Variants in TTLL12 observed in about 807,000 individuals in gnomAD.
TTLL12 encodes the protein tubulin--tyrosine ligase-like protein 12.
In TTLL12, 77 loss-of-function variants were observed where a neutral mutation model predicts 79.6. The observed-to-expected ratio is 0.97, with a 90% CI of 0.81 to 1.17. The LOEUF is 1.17. Among genes scored for constraint, TTLL12 ranks in the 50% most tolerant of loss-of-function variants. The pLI, the probability that TTLL12 is intolerant of heterozygous loss-of-function variation, is 0.00. For missense variants in TTLL12, 969 were observed against 895.9 expected (o/e 1.08, Z -1.04); for synonymous variants, 437 against 376.1 (o/e 1.16, Z -1.87).
intron 1 of TTLL12, among the ~76,000 whole-genome samples, chr22:43,186,562 C>CAT (rs1932190378): frequency 6.6e-6 from 1 of 152,208 alleles, no homozygotes; most frequent in Non-Finnish European, 1.5e-5. Context: ...AAGGGACTCT[C>CAT]GGAGCCGCAG....
chr22:43,182,857 G>T, intron 2 of TTLL12, 123 bp downstream of exon 2: 1 of 1,339,048 alleles, frequency 7.5e-7, no homozygotes, highest in Non-Finnish European at 1.0e-6. Context: ...ACACGTGCTT[G>T]CCACAAAGCT....
intron 2 of TTLL12, among the ~76,000 whole-genome samples, chr22:43,182,190 G>A (rs555211250): frequency 5.3e-5 from 8 of 152,354 alleles, no homozygotes; most frequent in Admixed American, 5.2e-4. Flanking sequence ...GGCAGCCACT[G>A]CACTGAATTC....
intron 5 of TTLL12, among the ~76,000 whole-genome samples, chr22:43,177,040 G>T (rs777045314): frequency 6.6e-6 from 1 of 152,218 alleles, no homozygotes; most frequent in Non-Finnish European, 1.5e-5. Context: ...GAGCCACGAG[G>T]GCTGTCGGGA....
Position 43,187,103 on chromosome 22 carries a change from A to T in TTLL12, c.-34T>A. 1 of 1,013,920 alleles carries T rather than the reference A, an allele frequency of 9.9e-7. No individual in the cohort carries two copies. Among genetic ancestry groups the T allele is most frequent in the Non-Finnish European group, 1.2e-6 (1 of 850,712 alleles). The allele number at this position is 1,013,920 out of a possible 1,614,324, so 62.8% of individuals were successfully genotyped here. A position where few individuals can be genotyped will look rare whatever the true frequency, so the allele number is the denominator to read the frequency against. On this transcript the variant is annotated 5_prime_UTR_variant, in exon 1 of 14. Transcript: ENST00000216129. ...CACCCGCGCCGACTCCAGCGCCGCCACCGCCGCCGCCGCCCGCCGTCCGTC... is the reference window on the plus strand; with the variant it reads ...CACCCGCGCCGACTCCAGCGCCGCCTCCGCCGCCGCCGCCCGCCGTCCGTC...
chr22:43,182,528 T>C (rs67194710), intron 2 of TTLL12, among the ~76,000 whole-genome samples: 10,796 of 152,298 alleles, frequency 0.071, 531 homozygotes, highest in Non-Finnish European at 0.11. Flanking sequence ...GTCTCAGCTC[T>C]GCCCTAACTA....
chr22:43,177,630 T>A (rs1405969441), intron 5 of TTLL12, among the ~76,000 whole-genome samples: 1 of 152,180 alleles, frequency 6.6e-6, no homozygotes, highest in Non-Finnish European at 1.5e-5. Context: ...AGCACTCTTA[T>A]GGAGAGGCCC....
chr22:43,181,318 ACC>A (rs897049755), intron 2 of TTLL12, among the ~76,000 whole-genome samples: 2 of 152,180 alleles, frequency 1.3e-5, no homozygotes, highest in Non-Finnish European at 2.9e-5. Context: ...CCTCAACTGG[ACC>A]TCGGGCCACT....
chr22:43,169,241 T>G (rs1187725525), intron 12 of TTLL12, among the ~76,000 whole-genome samples: 1 of 152,154 alleles, frequency 6.6e-6, no homozygotes, highest in African/African-American at 2.4e-5. Context: ...GGTCAGGCAG[T>G]GCCGCCACCC....
At chr22:43,179,104 T>C (rs1931986472) in intron 5 of TTLL12, among the ~76,000 whole-genome samples, 1 of 152,146 alleles carries the variant, frequency 6.6e-6, no homozygotes, top group Admixed American at 6.5e-5. Flanking sequence ...AGCCTCCTTG[T>C]ATGGGGCCTG....
rs1410567639 is a variant in TTLL12 at position 43,173,635 on chromosome 22, GATGCTC to G, written c.1341+74_1341+79del. ...GCCTGGACCTGTCCATAAGGACCAT[GATGCTC>G]GGTCCCCTTAGCCCCACCTCTCACT... On this transcript the variant is annotated intron_variant, in intron 9 of 13. Transcript: ENST00000216129. 3.6e-6 allele frequency: 5 copies of G among 1,375,402 alleles called. No homozygotes were observed. In the African/African-American group the frequency reaches 7.3e-5, roughly 20 times the overall value. 85.2% of individuals were successfully genotyped at this position (1,375,402 alleles called of 1,614,324 possible). A position where few individuals can be genotyped will look rare whatever the true frequency, so the allele number is the denominator to read the frequency against.
intron 1 of TTLL12, among the ~76,000 whole-genome samples, chr22:43,185,450 G>A (rs1569488276): frequency 2.0e-5 from 3 of 151,774 alleles, no homozygotes; most frequent in Non-Finnish European, 2.9e-5. Context: ...GTAGCAGCAG[G>A]AGGCTTCACT....
At chr22:43,186,084 C>G (rs763060577) in intron 1 of TTLL12, 36 of 899,722 alleles carry the variant, frequency 4.0e-5, no homozygotes, top group Non-Finnish European at 4.8e-5. Flanking sequence ...GCCCGGGTCC[C>G]TGTTCTTGGC....
At position 43,174,407 on chromosome 22, in the gene TTLL12, C is replaced by G. The variant is rs1180565108; in HGVS notation, c.1035-4G>C. On this transcript the variant is annotated splice_region_variant and splice_polypyrimidine_tract_variant and intron_variant, in intron 7 of 13. Transcript: ENST00000216129. ...TGGCCTCTCCTGGCTGAGTTTCCTG[C>G]AGGGCGGAGGCAGGTGCGCCAGCTC... 4 of 1,559,788 alleles carry G rather than the reference C, an allele frequency of 2.6e-6. No homozygotes were observed. Among genetic ancestry groups the G allele is most frequent in the Middle Eastern group, 1.7e-4 (1 of 5,796 alleles).
chr22:43,171,971 C>T (rs1247477947), intron 10 of TTLL12, 71 bp from the exon 11 acceptor site: 1 of 1,325,940 alleles, frequency 7.5e-7, no homozygotes, highest in Non-Finnish European at 1.1e-6. Flanking sequence ...GTGCCACCCA[C>T]TCAGCCTTCC....
intron 5 of TTLL12, among the ~76,000 whole-genome samples, chr22:43,178,707 A>C (rs1468010564): frequency 6.6e-6 from 1 of 152,208 alleles, no homozygotes; most frequent in African/African-American, 2.4e-5. Context: ...GTGTGCAAAA[A>C]GGATGACTTC....
chr22:43,183,405 C>T (rs1932108026), intron 1 of TTLL12, among the ~76,000 whole-genome samples: 1 of 152,224 alleles, frequency 6.6e-6, no homozygotes, highest in Non-Finnish European at 1.5e-5. Context: ...GAGCCTCGTC[C>T]CACAGGATGC....
chr22:43,169,342 C>A (rs1003101149), intron 12 of TTLL12, among the ~76,000 whole-genome samples, 158 bp downstream of exon 12: 1 of 152,202 alleles, frequency 6.6e-6, no homozygotes, highest in African/African-American at 2.4e-5. Flanking sequence ...GGAGGGGAGC[C>A]CACGCTGTCT....
chr22:43,175,023 G>C (rs1174347484), intron 6 of TTLL12, among the ~76,000 whole-genome samples: 1 of 152,238 alleles, frequency 6.6e-6, no homozygotes, highest in Non-Finnish European at 1.5e-5. Flanking sequence ...AGAGGAGGTG[G>C]AGGGACCTTA....
chr22:43,174,547 T>C lies in TTLL12; in HGVS notation c.986A>G (p.Glu329Gly). 1.2e-6 allele frequency: 2 copies of C among 1,613,548 alleles called. No homozygotes were observed. The change falls in exon 7 of 14, where the codon GAG (glutamate) becomes GGG (glycine). Residue 329 changes from glutamate to glycine, a missense_variant. Transcript: ENST00000216129. ...GTTGAAGAGGATGTCGGCGTCCGCCTCACTCTGGGTGAGGGTGAAGCGCGG... is the reference window on the plus strand; with the variant it reads ...GTTGAAGAGGATGTCGGCGTCCGCCCCACTCTGGGTGAGGGTGAAGCGCGG... ...THPRFTLTQSEADADILFNFS... is the reference protein window; with the variant it reads ...THPRFTLTQSGADADILFNFS...
Sources: allele counts gnomAD v4.1 joint callset (sites outside exome capture counted in the v4.1 genomes callset), GRCh38; gene constraint gnomAD v4.1.1; transcripts MANE v1.5; gene names NCBI Gene and HGNC (gene_info 2026-07-23, HGNC 2026-07-21).